Variants in GRID1 observed in about 807,000 individuals in gnomAD.
GRID1 encodes glutamate ionotropic receptor delta type subunit 1.
In GRID1, 28 loss-of-function variants were observed where a neutral mutation model predicts 98.0. The ratio of observed to expected loss-of-function variants is 0.29; its 90% confidence interval spans 0.21 to 0.39. GRID1 has a LOEUF of 0.39. Ranked by LOEUF, GRID1 falls within the 10% of genes least tolerant of loss-of-function variation. GRID1 has a pLI of 1.00. For missense variants in GRID1, 1,111 were observed against 1,340.5 expected (o/e 0.83, Z 2.67); for synonymous variants, 553 against 538.5 (o/e 1.03, Z -0.37).
At chr10:86,204,723 T>C (rs549672750) in intron 3 of GRID1, among the ~76,000 whole-genome samples, 23 of 152,224 alleles carry the variant, frequency 1.5e-4, no homozygotes, top group African/African-American at 5.5e-4. Flanking sequence ...GGGAAAACTG[T>C]GTCTGCAGGC....
intron 4 of GRID1, among the ~76,000 whole-genome samples, chr10:85,920,450 CT>C (rs1841686856): frequency 6.6e-6 from 1 of 152,156 alleles, no homozygotes; most frequent in African/African-American, 2.4e-5. Flanking sequence ...TCATTCCTTC[CT>C]TCCTTCATTC....
chr10:86,078,573 G>T (rs1348093149), intron 4 of GRID1, among the ~76,000 whole-genome samples: 1 of 152,222 alleles, frequency 6.6e-6, no homozygotes, highest in Non-Finnish European at 1.5e-5. Flanking sequence ...GTTCTCAAAA[G>T]CCTTGCTTCC....
At chr10:86,348,464 A>G (rs998728231) in intron 2 of GRID1, among the ~76,000 whole-genome samples, 11 of 152,268 alleles carry the variant, frequency 7.2e-5, no homozygotes, top group African/African-American at 2.6e-4. Flanking sequence ...ACCAGGAGAG[A>G]GCAGACTGGA....
At chr10:85,873,083 T>A (rs1843294341) in intron 5 of GRID1, among the ~76,000 whole-genome samples, 1 of 152,178 alleles carries the variant, frequency 6.6e-6, no homozygotes, top group African/African-American at 2.4e-5. Context: ...TCCTCCTGGG[T>A]CTCTTGTAGT....
intron 2 of GRID1, among the ~76,000 whole-genome samples, chr10:86,316,544 G>C (rs1847901540): frequency 6.6e-6 from 1 of 152,248 alleles, no homozygotes; most frequent in South Asian, 2.1e-4. Context: ...CCCCAGCCTA[G>C]GTGGAACAGC....
chr10:86,143,970 C>G (rs1403243355), intron 3 of GRID1, among the ~76,000 whole-genome samples: 1 of 152,172 alleles, frequency 6.6e-6, no homozygotes, highest in African/African-American at 2.4e-5. Context: ...CATCACCAGG[C>G]CTTCTCAATA....
In GRID1 at chr10:85,949,945, TG is replaced by T. The variant is rs1363355029; in HGVS notation, c.727-33707del. The stretch of plus-strand genomic sequence containing the variant: ...ATGGATGGATGGATGGATGGATGCA[TG>T]GATGGATAGTTGGATGGATGGGTGA... On this transcript the variant is annotated intron_variant, in intron 4 of 15. Coordinates refer to ENST00000327946, the MANE Select transcript of GRID1 (RefSeq NM_017551.3). 2.6e-5 allele frequency among the ~76,000 whole-genome samples: 4 copies of T among 151,822 alleles called. No individual in the cohort carries two copies. In the East Asian group the frequency reaches 7.7e-4, roughly 29 times the overall value.
At chr10:85,657,234 A>C (rs1265994783) in intron 12 of GRID1, among the ~76,000 whole-genome samples, 14 of 152,074 alleles carry the variant, frequency 9.2e-5, no homozygotes, top group Admixed American at 9.2e-4. Flanking sequence ...TAAAAATACA[A>C]AAAAAAATCA....
At chr10:86,252,885 G>A (rs1305130215) in intron 2 of GRID1, among the ~76,000 whole-genome samples, 1 of 152,168 alleles carries the variant, frequency 6.6e-6, no homozygotes, top group Non-Finnish European at 1.5e-5. Context: ...GTGTTTCTCT[G>A]GGCCTTTGCC....
intron 5 of GRID1, among the ~76,000 whole-genome samples, chr10:85,908,071 G>A (rs2131819733): frequency 6.6e-6 from 1 of 152,262 alleles, no homozygotes; most frequent in Non-Finnish European, 1.5e-5. Context: ...CAGCTAACCT[G>A]ATACTTAATG....
intron 2 of GRID1, among the ~76,000 whole-genome samples, chr10:86,346,787 C>A (rs1014392760): frequency 7.9e-5 from 12 of 152,288 alleles, no homozygotes; most frequent in South Asian, 2.1e-4. Flanking sequence ...CCTCCTTGTC[C>A]CTTGGAACCT....
chr10:85,686,223 G>A (rs1841267421), intron 12 of GRID1, among the ~76,000 whole-genome samples: 1 of 152,176 alleles, frequency 6.6e-6, no homozygotes, highest in Non-Finnish European at 1.5e-5. Flanking sequence ...TACATACACA[G>A]CCTGCTTATG....
At position 85,997,706 on chromosome 10, in the gene GRID1, G is replaced by A. The variant is rs143195757; in HGVS notation, c.727-81467C>T. Among the ~76,000 whole-genome samples, 730 of 151,884 alleles carry A rather than the reference G, an allele frequency of 4.8e-3. 5 individuals carry two copies. The highest frequency in any genetic ancestry group is 0.024 in the Middle Eastern group (7 of 294). On this transcript the variant is annotated intron_variant, in intron 4 of 15. Coordinates refer to ENST00000327946, the MANE Select transcript of GRID1 (RefSeq NM_017551.3). ...AACAGAAAACAAGAAAAGGGAAGAC[G>A]TAAATCTAAAGAAATTACTAAATGC... is the stretch of plus-strand genomic sequence containing the variant.
chr10:85,774,354 C>G (rs1396807875), intron 8 of GRID1, among the ~76,000 whole-genome samples: 2 of 152,132 alleles, frequency 1.3e-5, no homozygotes, highest in Admixed American at 1.3e-4. Context: ...AAATGTTAGA[C>G]CTAAAACCAT....
At chr10:86,075,287 G>C (rs1486832934) in intron 4 of GRID1, among the ~76,000 whole-genome samples, 1 of 146,564 alleles carries the variant, frequency 6.8e-6, no homozygotes, top group Non-Finnish European at 1.5e-5. Flanking sequence ...GAGGTCATTA[G>C]AGTAAGCCCT....
intron 4 of GRID1, among the ~76,000 whole-genome samples, chr10:85,980,022 A>G (rs779141438): frequency 2.6e-5 from 4 of 152,254 alleles, no homozygotes; most frequent in Non-Finnish European, 4.4e-5. Context: ...GAAGCCTTCA[A>G]TGACGGTTCA....
chr10:86,111,101 G>A (rs1032006650), intron 4 of GRID1, among the ~76,000 whole-genome samples: 1 of 152,182 alleles, frequency 6.6e-6, no homozygotes, highest in Non-Finnish European at 1.5e-5. Flanking sequence ...GGCTCCTGTA[G>A]GCCCCTTATG....
At chr10:86,076,523 T>C (rs1843883330) in intron 4 of GRID1, among the ~76,000 whole-genome samples, 1 of 152,114 alleles carries the variant, frequency 6.6e-6, no homozygotes, top group African/African-American at 2.4e-5. Context: ...GAGGCTTATT[T>C]TAAGGAATTG....
intron 3 of GRID1, among the ~76,000 whole-genome samples, chr10:86,179,211 C>T (rs1244538190): frequency 6.6e-6 from 1 of 152,128 alleles, no homozygotes; most frequent in Non-Finnish European, 1.5e-5. Context: ...AGCTACCTTC[C>T]TCTTCCTGCC....
Sources: allele counts gnomAD v4.1 joint callset (sites outside exome capture counted in the v4.1 genomes callset), GRCh38; gene constraint gnomAD v4.1.1; transcripts MANE v1.5; gene names NCBI Gene and HGNC (gene_info 2026-07-23, HGNC 2026-07-21).